MACROD1: variants seen among roughly 807,000 people sequenced by gnomAD.
MACROD1 encodes ADP-ribose glycohydrolase MACROD1.
A neutral mutation model predicts 41.4 loss-of-function variants in MACROD1; 31 were observed. The ratio of observed to expected loss-of-function variants is 0.75; its 90% CI spans 0.56 to 1.01. MACROD1 has a LOEUF of 1.01. Among genes scored for constraint, MACROD1 ranks in the 50% least tolerant of loss-of-function variants. MACROD1 has a pLI of 0.00. For synonymous variants in MACROD1, 252 were observed against 203.4 expected (o/e 1.24, Z -2.03); for missense variants, 473 against 460.0 (o/e 1.03, Z -0.26).
At position 64,152,332 on chromosome 11, in the gene MACROD1, G is replaced by A; in HGVS notation, c.360C>T (p.Val120=). Residue 120 remains valine, a synonymous_variant, in exon 2 of 11, where the codon GTC becomes GTT. Coordinates refer to ENST00000255681, the MANE Select transcript of MACROD1 (RefSeq NM_014067.4). ...TCCATGTCGGGATCTTCTTCAGCCT[G>A]ACAAAGTCCTTGCAGAAGTAATGTT... is the stretch of plus-strand genomic sequence containing the variant. ...REEHYFCKDF[V]RLKKIPTWKE... 1 of 1,614,238 alleles carries A rather than the reference G, an allele frequency of 6.2e-7. No individual in the cohort carries two copies. The highest frequency in any genetic ancestry group is 8.5e-7 in the Non-Finnish European group (1 of 1,180,038).
At chr11:64,098,150 T>C (rs618850) in intron 3 of MACROD1, among the ~76,000 whole-genome samples, 9,851 of 152,250 alleles carry the variant, frequency 0.065, 434 homozygotes, top group South Asian at 0.16. Flanking sequence ...GAGAACACTC[T>C]TTCTAAACTG....
intron 3 of MACROD1, among the ~76,000 whole-genome samples, chr11:64,069,562 G>C (rs372280726): frequency 6.6e-6 from 1 of 152,196 alleles, no homozygotes; most frequent in Non-Finnish European, 1.5e-5. Context: ...CTCCCTGCCC[G>C]TGTGGTGCCC....
intron 3 of MACROD1, among the ~76,000 whole-genome samples, chr11:64,077,061 G>A (rs1174772117): frequency 6.6e-6 from 1 of 152,058 alleles, no homozygotes; most frequent in Non-Finnish European, 1.5e-5. Context: ...CAGGGTAGGG[G>A]GGTCCACAGA....
intron 3 of MACROD1, among the ~76,000 whole-genome samples, chr11:64,070,537 G>T (rs1944088318): frequency 6.6e-6 from 1 of 152,214 alleles, no homozygotes; most frequent in Non-Finnish European, 1.5e-5. Context: ...CGAGAGCAGA[G>T]CTCGAGAACT....
rs1945695243 is a variant in MACROD1, at chr11:64,158,000, C to A, written c.299-5607G>T. On this transcript the variant is annotated intron_variant, in intron 1 of 10. Transcript: ENST00000255681. ...CCTCTACCCTGCCCCCTTGTCTCTG[C>A]CCACACCAGGGCATTGGCAAGGCTG... Among the ~76,000 whole-genome samples the A allele has an allele frequency of 2.6e-5, 4 of 152,200 alleles. No homozygotes were observed. In the South Asian group the frequency reaches 8.3e-4, roughly 32 times the overall value.
At chr11:64,133,137 G>A (rs1440686081) in intron 3 of MACROD1, among the ~76,000 whole-genome samples, 3 of 152,190 alleles carry the variant, frequency 2.0e-5, no homozygotes, top group Non-Finnish European at 2.9e-5. Flanking sequence ...GCAGCCCCCA[G>A]CGCCTTGGAT....
intron 3 of MACROD1, among the ~76,000 whole-genome samples, chr11:64,074,757 C>T (rs1467958503): frequency 6.6e-6 from 1 of 152,168 alleles, no homozygotes; most frequent in African/African-American, 2.4e-5. Context: ...GACCAGGCTC[C>T]AGGCTTCTCA....
At chr11:64,031,329 G>A (rs548148693) in intron 3 of MACROD1, among the ~76,000 whole-genome samples, 1 of 152,158 alleles carries the variant, frequency 6.6e-6, no homozygotes, top group Non-Finnish European at 1.5e-5. Context: ...CTGCGCCAGG[G>A]CCCACCCTCC....
intron 3 of MACROD1, among the ~76,000 whole-genome samples, chr11:64,053,882 G>A (rs569264655): frequency 1.5e-4 from 23 of 152,244 alleles, no homozygotes; most frequent in African/African-American, 3.6e-4. Context: ...ATGCAAGGCC[G>A]CATACCCGGT....
At chr11:64,018,972 A>G (rs1025221873) in intron 3 of MACROD1, among the ~76,000 whole-genome samples, 5 of 152,158 alleles carry the variant, frequency 3.3e-5, no homozygotes, top group African/African-American at 1.2e-4. Flanking sequence ...AGCCCCACCC[A>G]AGGGACCCAG....
chr11:64,030,058 C>G (rs1354956256), intron 3 of MACROD1, among the ~76,000 whole-genome samples: 1 of 152,124 alleles, frequency 6.6e-6, no homozygotes, highest in Non-Finnish European at 1.5e-5. Context: ...CAACCACCCC[C>G]CGGGTGACAC....
rs184127249 is a variant in MACROD1 at position 64,101,704 on chromosome 11, G to A, written c.517+49535C>T. Among the ~76,000 whole-genome samples the A allele has an allele frequency of 7.9e-5, 12 of 152,320 alleles. No individual in the cohort carries two copies. In the South Asian group the frequency reaches 8.3e-4, roughly 11 times the overall value. On this transcript the variant is annotated intron_variant, in intron 3 of 10. Transcript: ENST00000255681. ...TGCTAGAGCCGGCCGCCCTCCCGCC[G>A]CGTGCAGGGACTCTGTCCTCATCTT...
chr11:64,077,380 G>A (rs1944221144), intron 3 of MACROD1, among the ~76,000 whole-genome samples: 1 of 152,188 alleles, frequency 6.6e-6, no homozygotes, highest in Non-Finnish European at 1.5e-5. Context: ...CCTGTCACGG[G>A]GCTGCCCTGC....
chr11:64,045,085 G>T (rs909158026), intron 3 of MACROD1, among the ~76,000 whole-genome samples: 1 of 152,240 alleles, frequency 6.6e-6, no homozygotes, highest in African/African-American at 2.4e-5. Flanking sequence ...GGGCTGAGGG[G>T]GAGCAGTCCG....
chr11:64,050,367 T>A (rs528823139), intron 3 of MACROD1, among the ~76,000 whole-genome samples: 10 of 152,310 alleles, frequency 6.6e-5, no homozygotes, highest in Non-Finnish European at 1.0e-4. Flanking sequence ...GCAGGCCACC[T>A]AGGGGCAGCT....
At chr11:64,124,834 C>T (rs1788743268) in intron 3 of MACROD1, among the ~76,000 whole-genome samples, 1 of 152,200 alleles carries the variant, frequency 6.6e-6, no homozygotes, top group Non-Finnish European at 1.5e-5. Flanking sequence ...GCGTGTGCCA[C>T]CATGCCTGGC....
Position 64,029,318 on chromosome 11 carries a change from C to T in MACROD1, c.518-14037G>A, listed in dbSNP as rs568379492. Among the ~76,000 whole-genome samples, 75 of 152,264 alleles carry T rather than the reference C, an allele frequency of 4.9e-4. 1 individual carries two copies. The South Asian group carries it at 5.6e-3, about 11-fold the overall frequency. ...ATGAGGGGGCTGCAGAGCTTGGGGC[C>T]CCTGAAACAGGCATCTGGCGGCCGG... On this transcript the variant is annotated intron_variant, in intron 3 of 10. Transcript: ENST00000255681.
In MACROD1 at chr11:64,122,881, T is replaced by G. The variant is rs189169207; in HGVS notation, c.517+28358A>C. 2.0e-3 allele frequency among the ~76,000 whole-genome samples: 308 copies of G among 152,144 alleles called. 2 individuals are homozygous for G. The highest frequency in any genetic ancestry group is 7.0e-3 in the African/African-American group (290 of 41,504). On this transcript the variant is annotated intron_variant, in intron 3 of 10. Coordinates refer to ENST00000255681, the MANE Select transcript of MACROD1 (RefSeq NM_014067.4). This position sits in a 1 kb window ranked among gnomAD's most constrained non-coding sequence, Gnocchi z 4.0. ...GGAACCTGTGCCTCCCTCCTTCACC[T>G]CCGGCCCTGGAGCCAAGGAGCCAGG...
chr11:64,066,475 G>A (rs950295916), intron 3 of MACROD1, among the ~76,000 whole-genome samples: 7 of 150,830 alleles, frequency 4.6e-5, no homozygotes, highest in South Asian at 4.2e-4. Context: ...AAAAATTAGC[G>A]GAGTGTGGTG....
Sources: allele counts gnomAD v4.1 joint callset (sites outside exome capture counted in the v4.1 genomes callset), GRCh38; gene constraint gnomAD v4.1.1; non-coding constraint Gnocchi (gnomAD v3.1); transcripts MANE v1.5; gene names NCBI Gene and HGNC (gene_info 2026-07-23, HGNC 2026-07-21).